Variants in BUB1B observed in about 807,000 individuals in gnomAD.
The protein encoded by BUB1B is mitotic checkpoint serine/threonine-protein kinase BUB1 beta.
In BUB1B, 86 loss-of-function variants were observed where a neutral mutation model predicts 137.7. The ratio of observed to expected loss-of-function variants is 0.62; its 90% CI spans 0.52 to 0.75. BUB1B has a LOEUF of 0.75. Ranked by LOEUF, BUB1B falls within the 30% of genes least tolerant of loss-of-function variation. BUB1B has a pLI of 0.00. For missense variants in BUB1B, 1,130 were observed against 1,236.9 expected (o/e 0.91, Z 1.30); for synonymous variants, 420 against 417.9 (o/e 1.00, Z -0.06).
At chr15:40,201,905 G>A (rs1030539735) in intron 12 of BUB1B, among the ~76,000 whole-genome samples, 1 of 152,068 alleles carries the variant, frequency 6.6e-6, no homozygotes, top group Non-Finnish European at 1.5e-5. Context: ...TCCTGACCTC[G>A]TGATCCGCCC....
intron 5 of BUB1B, among the ~76,000 whole-genome samples, chr15:40,181,197 TC>T (rs2037288572): frequency 6.6e-6 from 1 of 151,762 alleles, no homozygotes. Context: ...GTTCAAGTGA[TC>T]CTCCTGCCTC....
intron 9 of BUB1B, 93 bp downstream of exon 9, chr15:40,196,867 T>C: frequency 1.8e-6 from 2 of 1,118,480 alleles, no homozygotes; most frequent in South Asian, 2.7e-5. Context: ...ACCTTATAGT[T>C]TGTACCTTTG....
At chr15:40,171,031 G>A (rs2037155892) in intron 4 of BUB1B, among the ~76,000 whole-genome samples, 2 of 152,092 alleles carry the variant, frequency 1.3e-5, no homozygotes, top group Admixed American at 1.3e-4. Flanking sequence ...AACCTCCTGG[G>A]CTCAAGCAAT....
chr15:40,170,197 G>T (rs781038212), intron 3 of BUB1B, 76 bp downstream of exon 3: 10 of 1,366,692 alleles, frequency 7.3e-6, no homozygotes, highest in African/African-American at 1.4e-5. Flanking sequence ...TCAAATTGGG[G>T]TATATGGAGT....
chr15:40,209,137 C>T (rs190528099), intron 16 of BUB1B, among the ~76,000 whole-genome samples: 117 of 152,028 alleles, frequency 7.7e-4, no homozygotes, highest in Non-Finnish European at 1.9e-4. Flanking sequence ...AAGAAGTTGC[C>T]GGCCGGGTGC....
chr15:40,208,533 C>A (rs2037665808), intron 15 of BUB1B, 104 bp from the exon 16 acceptor site: 1 of 1,188,062 alleles, frequency 8.4e-7, no homozygotes, highest in East Asian at 2.6e-5. Context: ...AGCAAAACTC[C>A]ATCTCAAAAA....
At chr15:40,201,965 G>A (rs1046207464) in intron 12 of BUB1B, among the ~76,000 whole-genome samples, 9 of 151,972 alleles carry the variant, frequency 5.9e-5, no homozygotes, top group Non-Finnish European at 1.2e-4. Flanking sequence ...CACCACACCC[G>A]GCCAAAACAT....
chr15:40,165,202 T>C lies in BUB1B; in HGVS notation c.179+6T>C. On this transcript the variant is annotated splice_donor_region_variant and intron_variant, in intron 2 of 22. Transcript: ENST00000287598. ...ACTCTTCAGCAGCAGAAACGGTGTG[T>C]AGAATGGCTGAGTCTCAACCTGTCG... 6.2e-7 allele frequency: 1 copy of C among 1,614,186 alleles called. No homozygotes were observed. Among genetic ancestry groups the C allele is most frequent in the Non-Finnish European group, 8.5e-7 (1 of 1,180,028 alleles).
At chr15:40,182,762 C>T (rs2037309840) in intron 5 of BUB1B, among the ~76,000 whole-genome samples, 1 of 152,202 alleles carries the variant, frequency 6.6e-6, no homozygotes, top group African/African-American at 2.4e-5. Flanking sequence ...CCTCTTTTCC[C>T]AGTCCTCAGG....
chr15:40,196,490 T>G, intron 8 of BUB1B, 55 bp from the exon 9 acceptor site: 3 of 1,435,572 alleles, frequency 2.1e-6, no homozygotes, highest in South Asian at 1.2e-5. Context: ...TTTATCAATC[T>G]TATTGATTTT....
At chr15:40,197,862 T>C (rs890683663) in intron 9 of BUB1B, among the ~76,000 whole-genome samples, 49 of 152,094 alleles carry the variant, frequency 3.2e-4, no homozygotes, top group African/African-American at 1.2e-3. Flanking sequence ...AGGTGTTGAG[T>C]AAGGCTTTTA....
rs1265079699 is a variant in BUB1B, at chr15:40,170,684, A to G, written c.384+3A>G. 1 of 1,613,214 alleles carries G rather than the reference A, an allele frequency of 6.2e-7. No homozygotes were observed. Among genetic ancestry groups the G allele is most frequent in the Non-Finnish European group, 8.5e-7 (1 of 1,179,390 alleles). On this transcript the variant is annotated splice_donor_region_variant and intron_variant, in intron 4 of 22. Transcript: ENST00000287598. The stretch of plus-strand genomic sequence containing the variant: ...TTCTCAATCTCTGGCTTAAATTAGT[A>G]AGTCTTTCTCAAGTGCCATCTGAGT...
chr15:40,214,652 T>C (rs1427823882), intron 20 of BUB1B, among the ~76,000 whole-genome samples: 1 of 152,174 alleles, frequency 6.6e-6, no homozygotes, highest in Non-Finnish European at 1.5e-5. Flanking sequence ...CTCAATGTGT[T>C]CCTGTGATTG....
At chr15:40,196,127 T>G (rs1446743698) in intron 8 of BUB1B, among the ~76,000 whole-genome samples, 1 of 152,238 alleles carries the variant, frequency 6.6e-6, no homozygotes, top group Admixed American at 6.5e-5. Flanking sequence ...TTAGATTTAA[T>G]TAAGTCTTTG....
Position 40,200,358 on chromosome 15 carries a change from A to T in BUB1B, c.1516A>T (p.Arg506Ter), listed in dbSNP as rs767032216. Residue 506 changes from arginine to a stop codon, truncating the protein, a stop_gained and splice_region_variant, in exon 11 of 23, where the codon AGA becomes TGA. Transcript: ENST00000287598. LOFTEE classifies it high-confidence loss of function. The stretch of plus-strand genomic sequence containing the variant: ...TGTTTGTCAAGTAAACTGTTGTGCC[A>T]GGTAAGACTACATAGGTGGAAGGGA... Reference protein sequence around the residue: ...SSVCQVNCCARETSLAENIWQ... With the variant: ...SSVCQVNCCA 2 of 1,610,550 alleles carry T rather than the reference A, an allele frequency of 1.2e-6. No homozygotes were observed. Among genetic ancestry groups the T allele is most frequent in the East Asian group, 4.5e-5 (2 of 44,830 alleles).
chr15:40,210,631 T>C (rs2037699382), intron 18 of BUB1B, among the ~76,000 whole-genome samples: 2 of 152,042 alleles, frequency 1.3e-5, no homozygotes, highest in East Asian at 3.9e-4. Flanking sequence ...CACCTCAGCC[T>C]CTGGAATAGC....
chr15:40,166,406 C>T (rs758390651), intron 2 of BUB1B: 1 of 414,794 alleles, frequency 2.4e-6, no homozygotes, highest in South Asian at 1.7e-5. Flanking sequence ...GTGGCACGAT[C>T]TTGGCTCACT....
intron 2 of BUB1B, chr15:40,166,506 A>G (rs924913130): frequency 2.1e-5 from 6 of 290,792 alleles, no homozygotes; most frequent in South Asian, 1.6e-4. Context: ...CGCCCAGCTA[A>G]TTTTTTCTAT....
intron 9 of BUB1B, among the ~76,000 whole-genome samples, chr15:40,197,595 T>C (rs1449518535): frequency 6.6e-6 from 1 of 152,198 alleles, no homozygotes; most frequent in Non-Finnish European, 1.5e-5. Flanking sequence ...CCTACTAATA[T>C]AGCTCAGCTC....
Sources: gnomAD v4.1 joint callset for allele counts (sites outside exome capture counted in the v4.1 genomes callset) on GRCh38, gnomAD v4.1.1 for gene constraint, MANE v1.5 for transcripts, NCBI Gene and HGNC (gene_info 2026-07-23, HGNC 2026-07-21) for gene names.